Variants in FAM20A observed in about 807,000 individuals in gnomAD.
The protein encoded by FAM20A is pseudokinase FAM20A.
In FAM20A, 42 loss-of-function variants were observed where a neutral mutation model predicts 52.0. The observed-to-expected ratio is 0.81, with a 90% CI of 0.63 to 1.04. FAM20A has a LOEUF of 1.04. Ranked by LOEUF, FAM20A falls within the 50% of genes least tolerant of loss-of-function variation. The pLI is 0.00. For synonymous variants in FAM20A, 304 were observed against 298.9 expected, an observed-to-expected ratio of 1.02 and a Z score of -0.18; for missense variants, 742 against 712.7, an observed-to-expected ratio of 1.04 and a Z score of -0.47.
chr17:68,582,212 G>C (rs1470477787), intron 1 of FAM20A, among the ~76,000 whole-genome samples: 1 of 152,204 alleles, frequency 6.6e-6, no homozygotes, highest in Non-Finnish European at 1.5e-5. Flanking sequence ...GAGAAACATG[G>C]GCTCAGCAGT....
intron 1 of FAM20A, chr17:68,590,149 A>C (rs896947030): frequency 1.3e-5 from 2 of 152,224 alleles, no homozygotes; most frequent in Admixed American, 1.3e-4. Flanking sequence ...TTCAAAGTGA[A>C]AATTCAATCA....
chr17:68,581,693 A>G (rs2088009985), intron 1 of FAM20A, among the ~76,000 whole-genome samples: 1 of 149,796 alleles, frequency 6.7e-6, no homozygotes, highest in African/African-American at 2.5e-5. Flanking sequence ...GTCTTGCCTC[A>G]GCCTCCTGAG....
intron 1 of FAM20A, chr17:68,590,017 A>C (rs535280331): frequency 1.3e-5 from 2 of 152,344 alleles, no homozygotes; most frequent in South Asian, 4.1e-4. Context: ...CCTCAATTAA[A>C]CAAAGATGAG....
rs1371933127 is a variant in FAM20A, at chr17:68,542,165, G to A, written c.929C>T (p.Ala310Val). The A allele has an allele frequency of 7.4e-6, 12 of 1,613,762 alleles. No homozygotes were observed. The Admixed American group carries it at 1.0e-4, about 13-fold the overall frequency. Residue 310 changes from alanine (A) to valine (V), a missense_variant and splice_region_variant, in exon 7 of 11, where the codon GCG becomes GTG. Physicochemically the swap from Ala to Val is moderately conservative, Grantham distance 64. Coordinates refer to ENST00000592554, the MANE Select transcript of FAM20A (RefSeq NM_017565.4). ...CTTGGCGAAGAAGCACACGTTGCTC[G>A]CTGGAGGATGGGGAGGAGAGAGGAG... The part of the protein sequence containing the change: ...ILQSVFFVSP[A>V]SNVCFFAKCP...
intron 4 of FAM20A, among the ~76,000 whole-genome samples, chr17:68,546,130 C>G (rs2086546491): frequency 7.3e-6 from 1 of 136,558 alleles, no homozygotes; most frequent in Non-Finnish European, 1.5e-5. Context: ...GATTGTGCCA[C>G]TGCACTACAG....
chr17:68,551,834 C>G (rs1466002034), intron 4 of FAM20A, 39 bp downstream of exon 4: 2 of 1,490,726 alleles, frequency 1.3e-6, no homozygotes, highest in Non-Finnish European at 1.8e-6. Context: ...CCCAGGGCCA[C>G]CCCAACTGGG....
Position 68,601,106 on chromosome 17 carries a change from C to T in FAM20A, c.-440G>A, listed in dbSNP as rs2088612358. 6.6e-6 allele frequency: 1 copy of T among 151,952 alleles called. No individual in the cohort carries two copies. The highest frequency in any genetic ancestry group is 6.6e-5 in the Admixed American group (1 of 15,250). 9.4% of individuals were successfully genotyped at this position (151,952 alleles called of 1,614,324 possible). ...GCCGGCTGCAAAGCCCGGGGCGTCT[C>T]TCCTGAGGATGCTGTCGCTCGGCGG... is the stretch of plus-strand genomic sequence containing the variant. On this transcript the variant is annotated 5_prime_UTR_variant, in exon 1 of 11. Transcript: ENST00000592554.
At chr17:68,592,838 A>T (rs988530168) in intron 1 of FAM20A, among the ~76,000 whole-genome samples, 9 of 152,168 alleles carry the variant, frequency 5.9e-5, no homozygotes, top group African/African-American at 2.2e-4. Context: ...TAAATTTATT[A>T]TCTGGCTTAT....
In FAM20A at chr17:68,536,935, C is replaced by G. The variant is rs1255940646; in HGVS notation, c.*542G>C. 1 of 454,190 alleles carries G rather than the reference C, an allele frequency of 2.2e-6. No individual in the cohort carries two copies. Among genetic ancestry groups the G allele is most frequent in the South Asian group, 1.6e-5 (1 of 64,472 alleles). 28.1% of individuals were successfully genotyped at this position (454,190 alleles called of 1,614,324 possible). A position where few individuals can be genotyped will look rare whatever the true frequency, so the allele number is the denominator to read the frequency against. ...GACCGGGCAGTAGGGATTACTGATTCAGATGGGTCCAGTGACTAGAATATG... is the reference window on the plus strand; with the variant it reads ...GACCGGGCAGTAGGGATTACTGATTGAGATGGGTCCAGTGACTAGAATATG... On this transcript the variant is annotated 3_prime_UTR_variant, in exon 11 of 11. Transcript: ENST00000592554.
In FAM20A at chr17:68,537,780, T is replaced by G; in HGVS notation, c.1362-39A>C. 1.3e-6 allele frequency: 2 copies of G among 1,582,356 alleles called. No homozygotes were observed. The highest frequency in any genetic ancestry group is 1.7e-6 in the Non-Finnish European group (2 of 1,163,276). ...GTTACAGGAACCAAATAAGCAAATG[T>G]AAAGAAAATAACTTGCCTGAACTTC... On this transcript the variant is annotated intron_variant, in intron 10 of 10. Transcript: ENST00000592554. The surrounding 1 kb of genome is among the most constrained non-coding windows in gnomAD (Gnocchi z 4.2).
chr17:68,587,482 T>C (rs916826270), intron 1 of FAM20A, among the ~76,000 whole-genome samples: 1 of 152,212 alleles, frequency 6.6e-6, no homozygotes, highest in Non-Finnish European at 1.5e-5. Flanking sequence ...ACTGAGGGCA[T>C]TTTTATCCAT....
intron 4 of FAM20A, chr17:68,551,297 TATAAA>T: frequency 2.3e-6 from 1 of 434,088 alleles, no homozygotes; most frequent in Non-Finnish European, 3.9e-6. Context: ...ATGAATAAAA[TATAAA>T]TTAATGTAAA....
intron 3 of FAM20A, 120 bp downstream of exon 3, chr17:68,554,657 G>C (rs919484335): frequency 3.1e-6 from 3 of 954,352 alleles, no homozygotes; most frequent in Admixed American, 4.0e-5. Flanking sequence ...AGTTCTCAGA[G>C]GTTAGGCAGA....
chr17:68,537,345 G>A lies in FAM20A; in HGVS notation c.*132C>T, dbSNP rs12942014. 5 of 1,192,814 alleles carry A rather than the reference G, an allele frequency of 4.2e-6. No homozygotes were observed. In the Admixed American group the frequency reaches 9.0e-5, roughly 21 times the overall value. The allele number at this position is 1,192,814 out of a possible 1,614,324, so 73.9% of individuals were successfully genotyped here. A position where few individuals can be genotyped will look rare whatever the true frequency, so the allele number is the denominator to read the frequency against. On this transcript the variant is annotated 3_prime_UTR_variant, in exon 11 of 11. Transcript: ENST00000592554. The surrounding 1 kb of genome is among the most constrained non-coding windows in gnomAD (Gnocchi z 4.2). ...TCCATGGGCCCCACTTGCTGTTTGA[G>A]AAAATGTCCTGCTTCCTTCCTAGCT... is the stretch of plus-strand genomic sequence containing the variant.
At chr17:68,540,043 G>T in intron 8 of FAM20A, 77 bp from the exon 9 acceptor site, 1 of 1,273,104 alleles carries the variant, frequency 7.9e-7, no homozygotes, top group Non-Finnish European at 1.1e-6. Context: ...TCTCTCCAGG[G>T]AACGGAGGCC....
At chr17:68,563,036 C>A (rs756790886) in intron 1 of FAM20A, among the ~76,000 whole-genome samples, 2 of 152,144 alleles carry the variant, frequency 1.3e-5, no homozygotes, top group Non-Finnish European at 2.9e-5. Context: ...GTTATCTGAA[C>A]GGAATGGATC....
chr17:68,599,584 T>C (rs998544042), intron 1 of FAM20A, among the ~76,000 whole-genome samples: 1 of 152,236 alleles, frequency 6.6e-6, no homozygotes, highest in Non-Finnish European at 1.5e-5. Context: ...ACCAGGATCA[T>C]ACAAGACGAT....
At chr17:68,560,598 T>C (rs931340132) in intron 1 of FAM20A, among the ~76,000 whole-genome samples, 1 of 152,154 alleles carries the variant, frequency 6.6e-6, no homozygotes, top group Non-Finnish European at 1.5e-5. Context: ...AACTTCTAGG[T>C]TGTTTGTAAT....
At chr17:68,563,077 T>C (rs747446680) in intron 1 of FAM20A, among the ~76,000 whole-genome samples, 8 of 152,112 alleles carry the variant, frequency 5.3e-5, no homozygotes, top group Non-Finnish European at 1.2e-4. Flanking sequence ...GACTAAGTTT[T>C]TAAGCTGCCC....
Sources: gnomAD v4.1 joint callset for allele counts (sites outside exome capture counted in the v4.1 genomes callset) on GRCh38, gnomAD v4.1.1 for gene constraint, Gnocchi (gnomAD v3.1) non-coding constraint, MANE v1.5 for transcripts, NCBI Gene and HGNC (gene_info 2026-07-23, HGNC 2026-07-21) for gene names.